CARM1: variants seen among roughly 807,000 people sequenced by gnomAD.
CARM1 encodes histone-arginine methyltransferase CARM1.
Under a neutral mutation model 72.7 loss-of-function variants are expected in CARM1, and 14 were observed. That is an observed-to-expected ratio of 0.19 (90% CI 0.13 to 0.30). The LOEUF (loss-of-function observed/expected upper bound fraction) is 0.30. CARM1 is among the 10% of genes least tolerant of loss of function. The pLI, the probability that CARM1 is intolerant of heterozygous loss-of-function variation, is 1.00. For missense variants in CARM1, 432 were observed against 833.7 expected (o/e 0.52, Z 5.93); for synonymous variants, 333 against 345.5 (o/e 0.96, Z 0.40).
rs1378932997 is a variant in CARM1, at chr19:10,886,206, G to A, written c.220+14284G>A. Among the ~76,000 whole-genome samples the A allele has an allele frequency of 2.0e-5, 3 of 151,908 alleles. No homozygotes were observed. In the East Asian group the frequency reaches 5.8e-4, roughly 29 times the overall value. On this transcript the variant is annotated intron_variant, in intron 1 of 15. Transcript: ENST00000327064. ...CCAGTAGCTGGGATTACGGGCATGC[G>A]CCACCACGCCCGGCTAATTGTGTAT...
chr19:10,914,840 G>A lies in CARM1; in HGVS notation c.847+786G>A, dbSNP rs553465131. Among the ~76,000 whole-genome samples the A allele has an allele frequency of 2.0e-5, 3 of 152,336 alleles. No homozygotes were observed. In the South Asian group the frequency reaches 6.2e-4, roughly 32 times the overall value. ...CAAAGTGTTGGGATTATAGGCATGA[G>A]CCACTGTGCCTGGCCTGGGTGACTG... On this transcript the variant is annotated intron_variant, in intron 6 of 15. Coordinates refer to ENST00000327064, the MANE Select transcript of CARM1 (RefSeq NM_199141.2).
At chr19:10,909,278 T>TA in intron 4 of CARM1, 71 bp downstream of exon 4, 1 of 946,106 alleles carries the variant, frequency 1.1e-6, no homozygotes. Flanking sequence ...TCATTGATTT[T>TA]ATCTTTAATT....
At chr19:10,900,867 T>G (rs559550576) in intron 1 of CARM1, among the ~76,000 whole-genome samples, 24 of 151,856 alleles carry the variant, frequency 1.6e-4, no homozygotes, top group African/African-American at 5.6e-4. Flanking sequence ...GTATTTTTAG[T>G]AGAGACGGGG....
intron 1 of CARM1, among the ~76,000 whole-genome samples, chr19:10,902,367 C>T (rs1392672352): frequency 1.4e-5 from 2 of 140,062 alleles, no homozygotes; most frequent in East Asian, 4.6e-4. Flanking sequence ...GATCTTGGCT[C>T]ACTGCAAGCT....
chr19:10,920,976 A>C lies in CARM1; in HGVS notation c.1537+30A>C, dbSNP rs2074239839. 6.2e-7 allele frequency: 1 copy of C among 1,613,292 alleles called. No individual in the cohort carries two copies. Among genetic ancestry groups the C allele is most frequent in the East Asian group, 2.2e-5 (1 of 44,876 alleles). ...GCAGGGCCCACCCCAATGCCCAGCC[A>C]ACCCGGGAGGCCGCCCTCGCCGCAG... is the stretch of plus-strand genomic sequence containing the variant. On this transcript the variant is annotated intron_variant, in intron 13 of 15. Coordinates refer to ENST00000327064, the MANE Select transcript of CARM1 (RefSeq NM_199141.2). This position sits in a 1 kb window ranked among gnomAD's most constrained non-coding sequence, Gnocchi z 5.3.
At chr19:10,899,647 G>C (rs1204960744) in intron 1 of CARM1, among the ~76,000 whole-genome samples, 1 of 152,136 alleles carries the variant, frequency 6.6e-6, no homozygotes, top group Admixed American at 6.5e-5. Flanking sequence ...TGGCCGGGGA[G>C]CTGCCCTTCA....
rs200552560 is a variant in CARM1, at chr19:10,921,712, G to A, written c.1782G>A (p.Ala594=). Residue 594 remains alanine (A), a synonymous_variant, in exon 16 of 16, where the codon GCG becomes GCA. Coordinates refer to ENST00000327064, the MANE Select transcript of CARM1 (RefSeq NM_199141.2). The part of the protein sequence containing the change: ...FTMGGPAISM[A]SPMSIPTNTM... ...TGGGCGGCCCCGCCATCTCCATGGC[G>A]TCGCCCATGTCCATCCCGACCAACA... 1.7e-4 allele frequency: 280 copies of A among 1,613,450 alleles called. 1 individual carries two copies. In the East Asian group the frequency reaches 5.5e-3, roughly 32 times the overall value.
In CARM1 at chr19:10,920,670, A is replaced by G; in HGVS notation, c.1346A>G (p.Asp449Gly). ...LLIANKRQSY[D>G]ISIVAQVDQT... ...CACCCTGTCCGCAGACAGAGCTACG[A>G]CATCAGTATTGTGGCCCAGGTGGAC... The change falls in exon 12 of 16, where the codon GAC (aspartate) becomes GGC (glycine). Residue 449 changes from aspartate (D) to glycine (G), a missense_variant. Asp to Gly is a moderately conservative substitution (Grantham distance 94). Transcript: ENST00000327064. The surrounding 1 kb of genome is among the most constrained non-coding windows in gnomAD (Gnocchi z 5.3). 6.2e-7 allele frequency: 1 copy of G among 1,614,096 alleles called. No homozygotes were observed. Among genetic ancestry groups the G allele is most frequent in the Non-Finnish European group, 8.5e-7 (1 of 1,179,984 alleles).
In CARM1 at chr19:10,896,521, C is replaced by T. The variant is rs570163629; in HGVS notation, c.221-8430C>T. The stretch of plus-strand genomic sequence containing the variant: ...TGACGGTGGGTCTCTCCCCACCCTG[C>T]GCAAGATCCCTCCCAGTGCTGCCCA... On this transcript the variant is annotated intron_variant, in intron 1 of 15. Coordinates refer to ENST00000327064, the MANE Select transcript of CARM1 (RefSeq NM_199141.2). The surrounding 1 kb of genome is among the most constrained non-coding windows in gnomAD (Gnocchi z 5.2). Among the ~76,000 whole-genome samples the T allele has an allele frequency of 3.3e-5, 5 of 152,098 alleles. No individual in the cohort carries two copies. The East Asian group carries it at 7.7e-4, about 24-fold the overall frequency.
chr19:10,905,625 C>T (rs1260593472), intron 2 of CARM1, among the ~76,000 whole-genome samples: 1 of 152,146 alleles, frequency 6.6e-6, no homozygotes, highest in Admixed American at 6.5e-5. Flanking sequence ...GCTTGGTTAC[C>T]AGAGACCTGA....
Position 10,920,669 on chromosome 19 carries a change from G to A in CARM1, c.1345G>A (p.Asp449Asn), listed in dbSNP as rs752773089. Residue 449 changes from aspartate (D) to asparagine (N), a missense_variant, in exon 12 of 16, where the codon GAC becomes AAC. Physicochemically the swap from Asp to Asn is conservative, Grantham distance 23 (BLOSUM62 1). Transcript: ENST00000327064. This position sits in a 1 kb window ranked among gnomAD's most constrained non-coding sequence, Gnocchi z 5.3. ...LLIANKRQSYDISIVAQVDQT... is the reference protein window; with the variant it reads ...LLIANKRQSYNISIVAQVDQT... ...GCACCCTGTCCGCAGACAGAGCTAC[G>A]ACATCAGTATTGTGGCCCAGGTGGA... is the stretch of plus-strand genomic sequence containing the variant. 1.2e-6 allele frequency: 2 copies of A among 1,614,144 alleles called. No individual in the cohort carries two copies. The highest frequency in any genetic ancestry group is 8.5e-7 in the Non-Finnish European group (1 of 1,180,010).
intron 9 of CARM1, 33 bp downstream of exon 9, chr19:10,919,713 T>C (rs770334269): frequency 6.3e-7 from 1 of 1,591,132 alleles, no homozygotes; most frequent in South Asian, 1.1e-5. Context: ...CTCCCAGGCC[T>C]GGCTCAGGCC....
Position 10,916,377 on chromosome 19 carries a change from C to T in CARM1, c.848-30C>T, listed in dbSNP as rs371416595. ...AGGCAGTGTGGGATGTGTCACCTGACGCCAGCACCCCTCCCTGCCCCACTC... is the reference window on the plus strand; with the variant it reads ...AGGCAGTGTGGGATGTGTCACCTGATGCCAGCACCCCTCCCTGCCCCACTC... On this transcript the variant is annotated intron_variant, in intron 6 of 15. Transcript: ENST00000327064. This position sits in a 1 kb window ranked among gnomAD's most constrained non-coding sequence, Gnocchi z 4.4. The T allele has an allele frequency of 2.3e-5, 34 of 1,494,358 alleles. No individual in the cohort carries two copies. Among genetic ancestry groups the T allele is most frequent in the Admixed American group, 3.4e-5 (2 of 59,696 alleles). The allele number at this position is 1,494,358 out of a possible 1,614,324, so 92.6% of individuals were successfully genotyped here.
chr19:10,871,708 A>AGCG lies in CARM1; in HGVS notation c.20_22dup (p.Ala7dup), dbSNP rs550869012. On this transcript the variant is annotated inframe_insertion, in exon 1 of 16. Coordinates refer to ENST00000327064, the MANE Select transcript of CARM1 (RefSeq NM_199141.2). The surrounding 1 kb of genome is among the most constrained non-coding windows in gnomAD (Gnocchi z 5.6). ...GGCCTGGAGCCGGATCTAAGATGGC[A>AGCG]GCGGCGGCGGCGGCGGTGGGGCCGG... The AGCG allele has an allele frequency of 9.0e-3, 7,544 of 840,174 alleles. 84 individuals are homozygous for AGCG. The highest frequency in any genetic ancestry group is 0.012 in the African/African-American group (608 of 50,848). 52.0% of individuals were successfully genotyped at this position (840,174 alleles called of 1,614,324 possible).
intron 1 of CARM1, among the ~76,000 whole-genome samples, chr19:10,895,079 C>T (rs1470572469): frequency 6.6e-6 from 1 of 151,786 alleles, no homozygotes; most frequent in Non-Finnish European, 1.5e-5. Context: ...AAGAATGTGG[C>T]CCTGATGTCA....
In CARM1 at chr19:10,920,596, G is replaced by C; in HGVS notation, c.1334+23G>C. 3 of 1,613,830 alleles carry C rather than the reference G, an allele frequency of 1.9e-6. No homozygotes were observed. The highest frequency in any genetic ancestry group is 1.7e-6 in the Non-Finnish European group (2 of 1,179,786). ...AAGGTGCGACTGCTCCCTGGGGCTG[G>C]TGGTGGTGGGCAGGGGTCCATCTGC... On this transcript the variant is annotated intron_variant, in intron 11 of 15. Coordinates refer to ENST00000327064, the MANE Select transcript of CARM1 (RefSeq NM_199141.2). This position sits in a 1 kb window ranked among gnomAD's most constrained non-coding sequence, Gnocchi z 5.3.
At chr19:10,911,312 G>A (rs1338758567) in intron 4 of CARM1, among the ~76,000 whole-genome samples, 3 of 152,132 alleles carry the variant, frequency 2.0e-5, no homozygotes, top group Non-Finnish European at 2.9e-5. Context: ...CCCTAGCATC[G>A]CTTACCGTCC....
chr19:10,913,754 G>A lies in CARM1; in HGVS notation c.670-123G>A, dbSNP rs912233937. The A allele has an allele frequency of 1.5e-5, 15 of 1,011,188 alleles. 1 individual carries two copies. Among genetic ancestry groups the A allele is most frequent in the East Asian group, 5.3e-5 (2 of 37,762 alleles). 62.6% of individuals were successfully genotyped at this position (1,011,188 alleles called of 1,614,324 possible). On this transcript the variant is annotated intron_variant, in intron 5 of 15. Transcript: ENST00000327064. Reference sequence around the variant, plus strand: ...TCGCAGCCATGGTTGGGGCGCCAGCGAAGCAGGCAGAGGGGCACCCAATGC... The same window carrying A: ...TCGCAGCCATGGTTGGGGCGCCAGCAAAGCAGGCAGAGGGGCACCCAATGC...
In CARM1 at chr19:10,915,958, C is replaced by T. The variant is rs966898565; in HGVS notation, c.848-449C>T. The stretch of plus-strand genomic sequence containing the variant: ...TCCCCCACCTGGCTCTTGGCCTCAA[C>T]TGAGGTCCCCAGCGGCGTTGGGGTA... On this transcript the variant is annotated intron_variant, in intron 6 of 15. Coordinates refer to ENST00000327064, the MANE Select transcript of CARM1 (RefSeq NM_199141.2). This position sits in a 1 kb window ranked among gnomAD's most constrained non-coding sequence, Gnocchi z 4.6. Among the ~76,000 whole-genome samples the T allele has an allele frequency of 3.3e-5, 5 of 152,228 alleles. No homozygotes were observed. Among genetic ancestry groups the T allele is most frequent in the African/African-American group, 9.6e-5 (4 of 41,458 alleles).
Sources: allele counts gnomAD v4.1 joint callset (sites outside exome capture counted in the v4.1 genomes callset), GRCh38; gene constraint gnomAD v4.1.1; non-coding constraint Gnocchi (gnomAD v3.1); transcripts MANE v1.5; gene names NCBI Gene and HGNC (gene_info 2026-07-23, HGNC 2026-07-21).